SNRNP25: variants seen among roughly 807,000 people sequenced by gnomAD.
The protein encoded by SNRNP25 is small nuclear ribonucleoprotein U11/U12 subunit 25.
SNRNP25 carries 21 observed loss-of-function variants against 23.9 expected under a neutral mutation model. That is an observed-to-expected ratio of 0.88 (90% CI 0.62 to 1.27). The LOEUF (loss-of-function observed/expected upper bound fraction) is 1.27. Among genes scored for constraint, SNRNP25 ranks in the 50% most tolerant of loss-of-function variants. SNRNP25 has a pLI of 0.00. For synonymous variants in SNRNP25, 63 were observed against 60.4 expected, an observed-to-expected ratio of 1.04 and a Z score of -0.20; for missense variants, 160 against 156.9, an observed-to-expected ratio of 1.02 and a Z score of -0.11.
chr16:55,441 G>A lies in SNRNP25; in HGVS notation c.43-18G>A. 1 of 1,612,384 alleles carries A rather than the reference G, an allele frequency of 6.2e-7. No homozygotes were observed. Among genetic ancestry groups the A allele is most frequent in the South Asian group, 1.1e-5 (1 of 91,034 alleles). On this transcript the variant is annotated intron_variant, in intron 1 of 4. Coordinates refer to ENST00000293861, the MANE Select transcript of SNRNP25 (RefSeq NM_024571.4). ...AAAGAGAGCCAGGGTTCCCACTTCT[G>A]CCCTTGGTCTTTTGTAGGTTACTCT... is the stretch of plus-strand genomic sequence containing the variant.
intron 1 of SNRNP25, 136 bp downstream of exon 1, chr16:54,194 G>A: frequency 9.7e-7 from 1 of 1,030,328 alleles, no homozygotes; most frequent in Non-Finnish European, 1.4e-6. Flanking sequence ...GTAAACGAGG[G>A]TTTTAACCTT....
intron 1 of SNRNP25, among the ~76,000 whole-genome samples, chr16:54,646 T>C (rs1262542565): frequency 6.6e-6 from 1 of 152,208 alleles, no homozygotes; most frequent in Non-Finnish European, 1.5e-5. Context: ...TACTGATTGT[T>C]CCATTTGCCT....
In SNRNP25 at chr16:56,544, A is replaced by C; in HGVS notation, c.245A>C (p.Tyr82Ser). Reference protein sequence around the residue: ...EGGIQHISWSYVWRTYHLTSA... With the variant: ...EGGIQHISWSSVWRTYHLTSA... ...CCTGCATTCCCCTCTTGCAGGTCCT[A>C]CGTGTGGAGGACGTACCATCTGACC... is the stretch of plus-strand genomic sequence containing the variant. Residue 82 changes from tyrosine (Y) to serine (S), a missense_variant, in exon 4 of 5, where the codon TAC (tyrosine) becomes TCC (serine). By Grantham distance (144) the Tyr-to-Ser change is moderately radical. Transcript: ENST00000293861. 3 of 1,613,944 alleles carry C rather than the reference A, an allele frequency of 1.9e-6. No individual in the cohort carries two copies. The highest frequency in any genetic ancestry group is 2.5e-6 in the Non-Finnish European group (3 of 1,179,980).
intron 1 of SNRNP25, 31 bp from the exon 2 acceptor site, chr16:55,428 G>C (rs373342494): frequency 8.8e-6 from 14 of 1,598,530 alleles, no homozygotes; most frequent in Non-Finnish European, 1.0e-5. Context: ...AGAGAGCCAG[G>C]GTTCCCACTT....
At chr16:54,208 C>A in intron 1 of SNRNP25, 150 bp downstream of exon 1, 2 of 865,138 alleles carry the variant, frequency 2.3e-6, no homozygotes, top group Non-Finnish European at 3.5e-6. Flanking sequence ...TAACCTTGAC[C>A]GGGCGCACTC....
In SNRNP25 at chr16:54,044, G is replaced by A. The variant is rs774466429; in HGVS notation, c.28G>A (p.Asp10Asn). 1.2e-6 allele frequency: 2 copies of A among 1,606,810 alleles called. No individual in the cohort carries two copies. Among genetic ancestry groups the A allele is most frequent in the East Asian group, 4.5e-5 (2 of 44,750 alleles). Residue 10 changes from aspartate (D) to asparagine (N), a missense_variant, in exon 1 of 5, where the codon GAT becomes AAT. By Grantham distance (23) the Asp-to-Asn change is conservative. Coordinates refer to ENST00000293861, the MANE Select transcript of SNRNP25 (RefSeq NM_024571.4). Reference sequence around the variant, plus strand: ...GGTGGTGCAGGACCCGCTGCTCTGCGATCTGCCGATCCAGGTGTGTGCGGG... The same window carrying A: ...GGTGGTGCAGGACCCGCTGCTCTGCAATCTGCCGATCCAGGTGTGTGCGGG... MVVQDPLLC[D>N]LPIQVTLEEV...
intron 4 of SNRNP25, among the ~76,000 whole-genome samples, 170 bp downstream of exon 4, chr16:56,783 G>A (rs1184587290): frequency 6.6e-6 from 1 of 152,214 alleles, no homozygotes; most frequent in Non-Finnish European, 1.5e-5. Context: ...GGCAGCTGGA[G>A]GGGCCTTGCT....
chr16:55,526 G>A lies in SNRNP25; in HGVS notation c.110G>A (p.Cys37Tyr). 1 of 1,614,156 alleles carries A rather than the reference G, an allele frequency of 6.2e-7. No homozygotes were observed. Among genetic ancestry groups the A allele is most frequent in the Non-Finnish European group, 8.5e-7 (1 of 1,180,030 alleles). ...EYGQAMTVRV[C>Y]KMDGEVMPVV... ...GGCCAGGCAATGACGGTCCGAGTGT[G>A]CAAGATGGATGGAGAAGTAATGCGT... Residue 37 changes from cysteine to tyrosine, a missense_variant, in exon 2 of 5, where the codon TGC becomes TAC. Transcript: ENST00000293861.
Position 55,667 on chromosome 16 carries a change from A to T in SNRNP25, c.134-110A>T, listed in dbSNP as rs1054359601. On this transcript the variant is annotated intron_variant, in intron 2 of 4. Coordinates refer to ENST00000293861, the MANE Select transcript of SNRNP25 (RefSeq NM_024571.4). ...AGGCCATGCCCAGGGGTACTGGGGC[A>T]ACCACAAACCTGCCCTGTGCACAGA... 2.0e-6 allele frequency: 3 copies of T among 1,529,406 alleles called. No individual in the cohort carries two copies. The African/African-American group carries it at 4.1e-5, about 21-fold the overall frequency. 94.7% of individuals were successfully genotyped at this position (1,529,406 alleles called of 1,614,324 possible).
At position 55,729 on chromosome 16, in the gene SNRNP25, T is replaced by A. The variant is rs753718161; in HGVS notation, c.134-48T>A. ...CTTTCCTGCCATCGGAGGCTGTGGC[T>A]TTGGGTTCTCACCATGGATCTTCTC... On this transcript the variant is annotated intron_variant, in intron 2 of 4. Coordinates refer to ENST00000293861, the MANE Select transcript of SNRNP25 (RefSeq NM_024571.4). 35 of 1,604,788 alleles carry A rather than the reference T, an allele frequency of 2.2e-5. No homozygotes were observed. The South Asian group carries it at 3.9e-4, about 18-fold the overall frequency.
rs1897373174 is a variant in SNRNP25 at position 53,901 on chromosome 16, C to T, written c.-116C>T. ...GCGGGCAGAGCCCGGCTGAGAGGGG[C>T]GGCCCTGGAGGAGACGGAGGCCGCG... On this transcript the variant is annotated 5_prime_UTR_variant, in exon 1 of 5. Coordinates refer to ENST00000293861, the MANE Select transcript of SNRNP25 (RefSeq NM_024571.4). 4.0e-6 allele frequency: 6 copies of T among 1,511,274 alleles called. No homozygotes were observed. Among genetic ancestry groups the T allele is most frequent in the South Asian group, 3.6e-5 (3 of 83,476 alleles). 93.6% of individuals were successfully genotyped at this position (1,511,274 alleles called of 1,614,324 possible).
In SNRNP25 at chr16:57,653, C is replaced by T. The variant is rs1897431951; in HGVS notation, c.*510C>T. 1.2e-5 allele frequency: 2 copies of T among 161,684 alleles called. No individual in the cohort carries two copies. The highest frequency in any genetic ancestry group is 2.7e-5 in the Non-Finnish European group (2 of 73,418). The allele number at this position is 161,684 out of a possible 1,614,324, so 10.0% of individuals were successfully genotyped here. A position where few individuals can be genotyped will look rare whatever the true frequency, so the allele number is the denominator to read the frequency against. ...CAGCAAGGAGGAAATAAAAGCAGAGCGGCTTTAGGGTTTGCATCCTGGAGC... is the reference window on the plus strand; with the variant it reads ...CAGCAAGGAGGAAATAAAAGCAGAGTGGCTTTAGGGTTTGCATCCTGGAGC... On this transcript the variant is annotated 3_prime_UTR_variant, in exon 5 of 5. Transcript: ENST00000293861.
intron 1 of SNRNP25, 112 bp downstream of exon 1, chr16:54,170 A>AG (rs1897377911): frequency 8.1e-7 from 1 of 1,241,684 alleles, no homozygotes; most frequent in South Asian, 1.3e-5. Flanking sequence ...AGGCTGAGGA[A>AG]GGCGCCTCTG....
At chr16:54,369 C>T (rs1897380374) in intron 1 of SNRNP25, among the ~76,000 whole-genome samples, 2 of 152,074 alleles carry the variant, frequency 1.3e-5, no homozygotes, top group Non-Finnish European at 2.9e-5. Flanking sequence ...CCCACCTCAG[C>T]CTCCCGAGTA....
chr16:54,293 T>C (rs574333486), intron 1 of SNRNP25, among the ~76,000 whole-genome samples: 135 of 152,326 alleles, frequency 8.9e-4, no homozygotes, highest in African/African-American at 3.1e-3. Context: ...TTAATGTAAT[T>C]GTATTTAGGG....
chr16:55,757 A>G lies in SNRNP25; in HGVS notation c.134-20A>G, dbSNP rs550557295. 35 of 1,613,154 alleles carry G rather than the reference A, an allele frequency of 2.2e-5. No homozygotes were observed. The South Asian group carries it at 3.5e-4, about 16-fold the overall frequency. The stretch of plus-strand genomic sequence containing the variant: ...GGGTTCTCACCATGGATCTTCTCCC[A>G]TCTGTGTCCGTGGTTGCAGCCGTGG... On this transcript the variant is annotated intron_variant, in intron 2 of 4. Coordinates refer to ENST00000293861, the MANE Select transcript of SNRNP25 (RefSeq NM_024571.4).
In SNRNP25 at chr16:56,426, G is replaced by T. The variant is rs60136132; in HGVS notation, c.240-113G>T. The T allele has an allele frequency of 4.6e-3, 4,403 of 956,932 alleles. 129 individuals are homozygous for T. The African/African-American group carries it at 0.062, about 14-fold the overall frequency. 59.3% of individuals were successfully genotyped at this position (956,932 alleles called of 1,614,324 possible). Reference sequence around the variant, plus strand: ...CATTGTACAGAACAGCCCAGGTAGGGAGGACAGCTGCCCCAGGTCCCATAG... The same window carrying T: ...CATTGTACAGAACAGCCCAGGTAGGTAGGACAGCTGCCCCAGGTCCCATAG... On this transcript the variant is annotated intron_variant, in intron 3 of 4. Coordinates refer to ENST00000293861, the MANE Select transcript of SNRNP25 (RefSeq NM_024571.4).
chr16:56,950 C>T, intron 4 of SNRNP25, 136 bp from the exon 5 acceptor site: 1 of 752,550 alleles, frequency 1.3e-6, no homozygotes, highest in Non-Finnish European at 2.0e-6. Flanking sequence ...AGGATGGCCA[C>T]TGCACTTCCT....
At chr16:56,897 T>C (rs1197824102) in intron 4 of SNRNP25, among the ~76,000 whole-genome samples, 189 bp from the exon 5 acceptor site, 1 of 152,206 alleles carries the variant, frequency 6.6e-6, no homozygotes, top group East Asian at 1.9e-4. Flanking sequence ...CTCAGTTCCC[T>C]GCCCCGGGGA....
Sources: gnomAD v4.1 joint callset for allele counts (sites outside exome capture counted in the v4.1 genomes callset) on GRCh38, gnomAD v4.1.1 for gene constraint, MANE v1.5 for transcripts, NCBI Gene and HGNC (gene_info 2026-07-23, HGNC 2026-07-21) for gene names.